Variants in CSMD1 observed in about 807,000 individuals in gnomAD.
The protein encoded by CSMD1 is CUB and Sushi multiple domains 1, also known as CUB and sushi domain-containing protein 1.
In CSMD1, 213 loss-of-function variants were observed where a neutral mutation model predicts 417.5. The ratio of observed to expected loss-of-function variants is 0.51; its 90% CI spans 0.46 to 0.57. The LOEUF (loss-of-function observed/expected upper bound fraction) is 0.57. Ranked by LOEUF, CSMD1 falls within the 20% of genes least tolerant of loss-of-function variation. The pLI is 0.00. For synonymous variants in CSMD1, 2,862 were observed against 1,736.8 expected (o/e 1.65, Z -16.11); for missense variants, 6,923 against 4,529.7 (o/e 1.53, Z -15.17).
At chr8:4,672,886 C>A (rs1001510573) in intron 1 of CSMD1, among the ~76,000 whole-genome samples, 5 of 151,906 alleles carry the variant, frequency 3.3e-5, no homozygotes, top group East Asian at 1.9e-4. Context: ...TGGAGCACAC[C>A]GAAACATGAG....
chr8:4,675,979 T>C (rs1033463512), intron 1 of CSMD1, among the ~76,000 whole-genome samples: 1 of 152,224 alleles, frequency 6.6e-6, no homozygotes, highest in Non-Finnish European at 1.5e-5. Context: ...TTATAGATAA[T>C]AGCAATTCTT....
chr8:4,112,243 G>T (rs747414224), intron 3 of CSMD1, among the ~76,000 whole-genome samples: 1 of 152,102 alleles, frequency 6.6e-6, no homozygotes, highest in Non-Finnish European at 1.5e-5. Flanking sequence ...CACCTCCTGA[G>T]GTTCTTAGAA....
intron 1 of CSMD1, chr8:4,788,624 C>A: frequency 2.4e-6 from 2 of 848,486 alleles, no homozygotes; most frequent in Non-Finnish European, 3.7e-6. Flanking sequence ...GGAAAAACTA[C>A]AAATTTCTAA....
chr8:4,210,474 A>G (rs992406393), intron 3 of CSMD1, among the ~76,000 whole-genome samples: 3 of 152,228 alleles, frequency 2.0e-5, no homozygotes, highest in African/African-American at 4.8e-5. Flanking sequence ...TTGAACTGCA[A>G]ACAGACAATA....
intron 3 of CSMD1, among the ~76,000 whole-genome samples, chr8:4,203,355 G>C (rs79047745): frequency 2.0e-4 from 31 of 152,230 alleles, no homozygotes; most frequent in African/African-American, 7.2e-4. Context: ...GCCAACATCA[G>C]CCTTCCAACC....
At chr8:3,042,374 T>A (rs559802848) in intron 50 of CSMD1, among the ~76,000 whole-genome samples, 1 of 152,270 alleles carries the variant, frequency 6.6e-6, no homozygotes, top group African/African-American at 2.4e-5. Context: ...GAGGTGGATA[T>A]GTACCTCCTA....
At chr8:4,490,070 C>G (rs1255582467) in intron 2 of CSMD1, among the ~76,000 whole-genome samples, 3 of 131,316 alleles carry the variant, frequency 2.3e-5, no homozygotes, top group Non-Finnish European at 4.7e-5. Context: ...CAGACCGAGT[C>G]TTGCTCTGTC....
intron 68 of CSMD1, among the ~76,000 whole-genome samples, chr8:2,943,509 T>A (rs1425298433): frequency 6.6e-6 from 1 of 152,172 alleles, no homozygotes; most frequent in Non-Finnish European, 1.5e-5. Context: ...ATTACAGGCT[T>A]AAGCCACCAC....
At chr8:3,498,483 T>C (rs1028818293) in intron 10 of CSMD1, among the ~76,000 whole-genome samples, 14 of 152,180 alleles carry the variant, frequency 9.2e-5, no homozygotes, top group Admixed American at 2.6e-4. Flanking sequence ...TTGGAGAGCA[T>C]CTTTGGCATT....
At chr8:4,065,037 G>A (rs944174133) in intron 3 of CSMD1, among the ~76,000 whole-genome samples, 1 of 151,970 alleles carries the variant, frequency 6.6e-6, no homozygotes, top group Admixed American at 6.6e-5. Flanking sequence ...AATCTGAAAT[G>A]ATTAAAATGT....
At chr8:4,300,684 C>G (rs936428813) in intron 3 of CSMD1, among the ~76,000 whole-genome samples, 3 of 152,154 alleles carry the variant, frequency 2.0e-5, no homozygotes, top group African/African-American at 7.2e-5. Context: ...TCTCTCCACA[C>G]TCTCCCAACC....
intron 5 of CSMD1, among the ~76,000 whole-genome samples, chr8:3,888,793 AG>A (rs1227107157): frequency 1.3e-5 from 2 of 152,154 alleles, no homozygotes; most frequent in African/African-American, 2.4e-5. Context: ...CCTTCCAAAT[AG>A]CCCTTCTAAA....
intron 5 of CSMD1, among the ~76,000 whole-genome samples, chr8:3,760,326 C>T (rs544137038): frequency 1.3e-5 from 2 of 152,246 alleles, no homozygotes; most frequent in African/African-American, 2.4e-5. Context: ...AATTCATTTC[C>T]TTCAGAGGAT....
chr8:4,185,083 G>C (rs1798585086), intron 3 of CSMD1, among the ~76,000 whole-genome samples: 1 of 141,936 alleles, frequency 7.0e-6, no homozygotes, highest in South Asian at 2.2e-4. Context: ...AGGTTGCAGT[G>C]AGCCAAGATC....
intron 5 of CSMD1, among the ~76,000 whole-genome samples, chr8:3,794,999 T>C (rs1463925272): frequency 6.6e-6 from 1 of 151,530 alleles, no homozygotes; most frequent in Admixed American, 6.6e-5. Context: ...CTATCATGTA[T>C]AGCTATAAAT....
Position 3,660,902 on chromosome 8 carries a change from G to C in CSMD1, c.1010-44105C>G, listed in dbSNP as rs1200621987. Reference sequence around the variant, plus strand: ...CTATGACAGATTTTTTGTATACACAGCTGCTCCCAATTCATAGAAGTTTCT... The same window carrying C: ...CTATGACAGATTTTTTGTATACACACCTGCTCCCAATTCATAGAAGTTTCT... On this transcript the variant is annotated intron_variant, in intron 7 of 69. Transcript: ENST00000635120. Among the ~76,000 whole-genome samples the C allele has an allele frequency of 2.6e-5, 4 of 152,120 alleles. No homozygotes were observed. The East Asian group carries it at 7.7e-4, about 29-fold the overall frequency.
intron 5 of CSMD1, among the ~76,000 whole-genome samples, chr8:3,756,082 C>T (rs571569874): frequency 7.2e-5 from 11 of 152,152 alleles, no homozygotes; most frequent in South Asian, 4.2e-4. Context: ...TGTGGCCGGG[C>T]GCAGTGGCTC....
intron 10 of CSMD1, among the ~76,000 whole-genome samples, chr8:3,530,222 C>T (rs2117503881): frequency 6.6e-6 from 1 of 152,130 alleles, no homozygotes; most frequent in African/African-American, 2.4e-5. Flanking sequence ...TTAGTTTGCT[C>T]TTTTTTTATA....
At chr8:3,407,657 G>A (rs946010211) in intron 14 of CSMD1, among the ~76,000 whole-genome samples, 2 of 152,130 alleles carry the variant, frequency 1.3e-5, no homozygotes, top group Non-Finnish European at 2.9e-5. Flanking sequence ...GTAAGGAGAT[G>A]AAAGAGAGAG....
Sources: allele counts gnomAD v4.1 joint callset (sites outside exome capture counted in the v4.1 genomes callset), GRCh38; gene constraint gnomAD v4.1.1; transcripts MANE v1.5; gene names NCBI Gene and HGNC (gene_info 2026-07-23, HGNC 2026-07-21).